RAB11FIP5: variants seen among roughly 807,000 people sequenced by gnomAD.
The protein encoded by RAB11FIP5 is RAB11 family interacting protein 5.
In RAB11FIP5, 48 loss-of-function variants were observed where a neutral mutation model predicts 85.1. That is an observed-to-expected ratio of 0.56 (90% CI 0.45 to 0.72). The LOEUF (loss-of-function observed/expected upper bound fraction) is 0.72. Ranked by LOEUF, RAB11FIP5 falls within the 30% of genes least tolerant of loss-of-function variation. RAB11FIP5 has a pLI of 0.00. For missense variants in RAB11FIP5, 1,491 were observed against 1,687.0 expected (o/e 0.88, Z 2.04); for synonymous variants, 729 against 727.3 (o/e 1.00, Z -0.04).
At position 73,089,037 on chromosome 2, in the gene RAB11FIP5, C is replaced by T. The variant is rs776584294; in HGVS notation, c.710G>A (p.Arg237His). ...KMGKAKGFFL[R>H]NKLRKSSLTQ... ...CAGGGACGACTTGCGCAGCTTGTTG[C>T]GGAGGAAGAAGCCTTTGGCTTTGCC... Residue 237 changes from arginine to histidine, a missense_variant, in exon 2 of 6, where the codon CGC (arginine) becomes CAC (histidine). This residue lies in a region of RAB11FIP5 where 1,211 missense variants were observed against 1,338.0 expected (regional missense o/e 0.91). Coordinates refer to ENST00000486777, the MANE Select transcript of RAB11FIP5 (RefSeq NM_001371272.1). This position sits in a 1 kb window ranked among gnomAD's most constrained non-coding sequence, Gnocchi z 4.6. 1.7e-5 allele frequency: 27 copies of T among 1,614,070 alleles called. No homozygotes were observed. The highest frequency in any genetic ancestry group is 3.3e-5 in the Admixed American group (2 of 60,006).
chr2:73,111,295 A>T (rs2106128100), intron 1 of RAB11FIP5, among the ~76,000 whole-genome samples: 1 of 152,272 alleles, frequency 6.6e-6, no homozygotes, highest in East Asian at 1.9e-4. Context: ...CCCCTCCTCC[A>T]GCAAGCCTTC....
chr2:73,091,891 C>G (rs902096845), intron 1 of RAB11FIP5, among the ~76,000 whole-genome samples: 4 of 152,164 alleles, frequency 2.6e-5, no homozygotes, highest in African/African-American at 9.7e-5. Flanking sequence ...CGGGTAGGAA[C>G]AGATGGTGCC....
At chr2:73,099,341 T>C (rs1337713434) in intron 1 of RAB11FIP5, among the ~76,000 whole-genome samples, 2 of 152,186 alleles carry the variant, frequency 1.3e-5, no homozygotes, top group African/African-American at 4.8e-5. Context: ...AGAACTATAC[T>C]TCAACACCAT....
In RAB11FIP5 at chr2:73,081,397, A is replaced by T; in HGVS notation, c.1835T>A (p.Leu612His). The change falls in exon 4 of 6, where the codon CTC becomes CAC. Residue 612 changes from leucine to histidine, a missense_variant. Leu to His is a moderately conservative substitution (Grantham distance 99, BLOSUM62 -3). Around this residue, in one of 3 missense-constraint regions of RAB11FIP5, gnomAD observed 1,211 missense variants for 1,338.0 expected, o/e 0.91. Coordinates refer to ENST00000486777, the MANE Select transcript of RAB11FIP5 (RefSeq NM_001371272.1). The surrounding 1 kb of genome is among the most constrained non-coding windows in gnomAD (Gnocchi z 4.2). ...AGAGTTTAGTGCTATGTCGGCTATG[A>T]GCTCCTCGAAGAAGGGGTTGCTCTG... The part of the protein sequence containing the change: ...SLQSNPFFEE[L>H]IADIALNSPS... 1 of 1,232,490 alleles carries T rather than the reference A, an allele frequency of 8.1e-7. No homozygotes were observed. The highest frequency in any genetic ancestry group is 1.0e-6 in the Non-Finnish European group (1 of 988,188). 76.3% of individuals were successfully genotyped at this position (1,232,490 alleles called of 1,614,324 possible).
At chr2:73,107,568 G>A (rs1212350369) in intron 1 of RAB11FIP5, among the ~76,000 whole-genome samples, 1 of 152,084 alleles carries the variant, frequency 6.6e-6, no homozygotes, top group African/African-American at 2.4e-5. Context: ...GGCAGATGGG[G>A]AGGGCAGGGG....
At chr2:73,096,980 T>G (rs1396151517) in intron 1 of RAB11FIP5, among the ~76,000 whole-genome samples, 1 of 152,202 alleles carries the variant, frequency 6.6e-6, no homozygotes, top group Non-Finnish European at 1.5e-5. Flanking sequence ...GCTCTGTTCA[T>G]CCAAGCCTCC....
intron 1 of RAB11FIP5, among the ~76,000 whole-genome samples, chr2:73,091,667 G>A (rs535208165): frequency 6.6e-6 from 1 of 152,284 alleles, no homozygotes; most frequent in Non-Finnish European, 1.5e-5. Flanking sequence ...AGTGGTGGTA[G>A]TATTTTGATT....
At chr2:73,102,147 C>T (rs562717579) in intron 1 of RAB11FIP5, among the ~76,000 whole-genome samples, 23 of 152,042 alleles carry the variant, frequency 1.5e-4, no homozygotes, top group Non-Finnish European at 2.5e-4. Flanking sequence ...ATTCCAGTTG[C>T]GAGGGACAGG....
At chr2:73,082,124 C>T (rs1388590369) in intron 3 of RAB11FIP5, among the ~76,000 whole-genome samples, 1 of 151,644 alleles carries the variant, frequency 6.6e-6, no homozygotes, top group East Asian at 1.9e-4. Context: ...CAACTTCTGC[C>T]TCCCAGGCTC....
At chr2:73,094,125 A>T (rs1457964176) in intron 1 of RAB11FIP5, among the ~76,000 whole-genome samples, 2 of 83,604 alleles carry the variant, frequency 2.4e-5, no homozygotes, top group African/African-American at 1.6e-4. Flanking sequence ...TGTCTCAAAA[A>T]AAAAAAAAAA....
In RAB11FIP5 at chr2:73,112,490, C is replaced by A; in HGVS notation, c.288G>T (p.Ala96=). The A allele has an allele frequency of 6.7e-7, 1 of 1,486,394 alleles. No homozygotes were observed. 92.1% of individuals were successfully genotyped at this position (1,486,394 alleles called of 1,614,324 possible). A position where few individuals can be genotyped will look rare whatever the true frequency, so the allele number is the denominator to read the frequency against. The change falls in exon 1 of 6, where the codon GCG becomes GCT. Residue 96 remains alanine (A), a synonymous_variant. Coordinates refer to ENST00000486777, the MANE Select transcript of RAB11FIP5 (RefSeq NM_001371272.1). ...LRAQEADAGP[A]PWAASSAAAC... is the part of the protein sequence containing the mutation. ...CGGCGGCGGAGCTCGCGGCCCAGGG[C>A]GCCGGGCCCGCGTCGGCCTCCTGCG... is the stretch of plus-strand genomic sequence containing the variant.
At chr2:73,105,812 G>A (rs1350657173) in intron 1 of RAB11FIP5, among the ~76,000 whole-genome samples, 2 of 152,082 alleles carry the variant, frequency 1.3e-5, no homozygotes, top group Non-Finnish European at 2.9e-5. Flanking sequence ...GGAAGACATG[G>A]GGGAAGACTG....
chr2:73,088,751 T>C lies in RAB11FIP5; in HGVS notation c.869-2A>G. On this transcript the variant is annotated splice_acceptor_variant, in intron 2 of 5. Coordinates refer to ENST00000486777, the MANE Select transcript of RAB11FIP5 (RefSeq NM_001371272.1). LOFTEE classifies it high-confidence loss of function. ...TGGGGGACTGTGCAGAGTCCCTGCC[T>C]GCAGGGGAAACACACAGAGTTAGCT... 6.3e-7 allele frequency: 1 copy of C among 1,579,016 alleles called. No homozygotes were observed. Among genetic ancestry groups the C allele is most frequent in the Non-Finnish European group, 8.6e-7 (1 of 1,164,456 alleles).
At chr2:73,098,612 C>T (rs1684368888) in intron 1 of RAB11FIP5, among the ~76,000 whole-genome samples, 1 of 152,148 alleles carries the variant, frequency 6.6e-6, no homozygotes, top group South Asian at 2.1e-4. Context: ...AGCCCCCGAC[C>T]TTGACCACTA....
chr2:73,087,723 A>T (rs1374696752), intron 3 of RAB11FIP5, among the ~76,000 whole-genome samples: 1 of 152,204 alleles, frequency 6.6e-6, no homozygotes, highest in Non-Finnish European at 1.5e-5. Flanking sequence ...GAGGTCAGGA[A>T]GCAAAGAATT....
At position 73,075,523 on chromosome 2, in the gene RAB11FIP5, AT is replaced by A; in HGVS notation, c.3972del (p.Lys1324AsnfsTer107). 6.2e-7 allele frequency: 1 copy of A among 1,613,686 alleles called. No individual in the cohort carries two copies. Among genetic ancestry groups the A allele is most frequent in the Non-Finnish European group, 8.5e-7 (1 of 1,179,714 alleles). On this transcript the variant is annotated frameshift_variant, in exon 6 of 6. Coordinates refer to ENST00000486777, the MANE Select transcript of RAB11FIP5 (RefSeq NM_001371272.1). LOFTEE classifies it high-confidence loss of function. The surrounding 1 kb of genome is among the most constrained non-coding windows in gnomAD (Gnocchi z 4.6). Reference sequence around the variant, plus strand: ...TCCTGGGGGTAGGGTGAGGAAGGCTATTTGGGGGGGCCCGGGGGGATCTGCA... The same window carrying A: ...TCCTGGGGGTAGGGTGAGGAAGGCTATTGGGGGGGCCCGGGGGGATCTGCA... ...TLLQIPPGPPK is the reference protein window; with the variant it reads ...TLLQIPPGPPX
At chr2:73,111,953 A>G (rs1007030226) in intron 1 of RAB11FIP5, among the ~76,000 whole-genome samples, 1 of 152,120 alleles carries the variant, frequency 6.6e-6, no homozygotes, top group Non-Finnish European at 1.5e-5. Context: ...CCTGCCGGAC[A>G]GGCGCCCGCA....
At position 73,089,415 on chromosome 2, in the gene RAB11FIP5, G is replaced by C; in HGVS notation, c.432-100C>G. ...GCCCAGACCCCTCCTTGCTCTGAGAGCCACTGATAGCCTCTCCCCAAAGGC... is the reference window on the plus strand; with the variant it reads ...GCCCAGACCCCTCCTTGCTCTGAGACCCACTGATAGCCTCTCCCCAAAGGC... On this transcript the variant is annotated intron_variant, in intron 1 of 5. Coordinates refer to ENST00000486777, the MANE Select transcript of RAB11FIP5 (RefSeq NM_001371272.1). The surrounding 1 kb of genome is among the most constrained non-coding windows in gnomAD (Gnocchi z 4.6). 2 of 1,174,152 alleles carry C rather than the reference G, an allele frequency of 1.7e-6. No individual in the cohort carries two copies. Among genetic ancestry groups the C allele is most frequent in the Non-Finnish European group, 2.5e-6 (2 of 792,256 alleles). The allele number at this position is 1,174,152 out of a possible 1,614,324, so 72.7% of individuals were successfully genotyped here. A position where few individuals can be genotyped will look rare whatever the true frequency, so the allele number is the denominator to read the frequency against.
At position 73,112,331 on chromosome 2, in the gene RAB11FIP5, C is replaced by T; in HGVS notation, c.431+16G>A. ...AGGCCTTTAGCCGTTTCTGTGCCCC[C>T]GCGCCCCCTACTCACTGCGTGTGCT... is the stretch of plus-strand genomic sequence containing the variant. On this transcript the variant is annotated intron_variant, in intron 1 of 5. Coordinates refer to ENST00000486777, the MANE Select transcript of RAB11FIP5 (RefSeq NM_001371272.1). 2 of 1,560,006 alleles carry T rather than the reference C, an allele frequency of 1.3e-6. No individual in the cohort carries two copies. The highest frequency in any genetic ancestry group is 8.6e-7 in the Non-Finnish European group (1 of 1,162,164).
Sources: allele counts gnomAD v4.1 joint callset (sites outside exome capture counted in the v4.1 genomes callset), GRCh38; gene constraint gnomAD v4.1.1; regional missense constraint gnomAD v4.1.1; non-coding constraint Gnocchi (gnomAD v3.1); transcripts MANE v1.5; gene names NCBI Gene and HGNC (gene_info 2026-07-23, HGNC 2026-07-21).